The following SMC2 variants were observed in gnomAD, a reference collection of about 807,000 sequenced individuals.
SMC2 encodes structural maintenance of chromosomes protein 2.
Under a neutral mutation model 142.6 loss-of-function variants are expected in SMC2, and 41 were observed. That is an observed-to-expected ratio of 0.29 (90% CI 0.22 to 0.37). The LOEUF (loss-of-function observed/expected upper bound fraction) is 0.37, where lower values mean the gene tolerates loss of function less well. Ranked by LOEUF, SMC2 falls within the 10% of genes least tolerant of loss-of-function variation. The pLI, the probability that SMC2 is intolerant of heterozygous loss-of-function variation, is 1.00. For synonymous variants in SMC2, 463 were observed against 457.5 expected (o/e 1.01, Z -0.15); for missense variants, 1,265 against 1,373.7 (o/e 0.92, Z 1.25).
At chr9:104,123,754 G>T (rs1404858667) in intron 17 of SMC2, among the ~76,000 whole-genome samples, 1 of 151,722 alleles carries the variant, frequency 6.6e-6, no homozygotes, top group Non-Finnish European at 1.5e-5. Flanking sequence ...ATCTTTTTTG[G>T]CTATGTACTG....
At chr9:104,091,581 A>C (rs974076294), upstream of SMC2, among the ~76,000 whole-genome samples, 1 of 152,236 alleles carries the variant, frequency 6.6e-6, no homozygotes, top group Admixed American at 6.5e-5. Flanking sequence ...GTAAAAATAT[A>C]AACTTCCTGT....
At chr9:104,107,707 T>G (rs1028936163) in intron 9 of SMC2, among the ~76,000 whole-genome samples, 3 of 152,246 alleles carry the variant, frequency 2.0e-5, no homozygotes, top group Non-Finnish European at 2.9e-5. Flanking sequence ...TTCCTTGGCT[T>G]TCTGTCCAAG....
intron 9 of SMC2, 146 bp from the exon 10 acceptor site, chr9:104,111,435 A>G: frequency 5.3e-6 from 3 of 567,370 alleles, no homozygotes; most frequent in Non-Finnish European, 9.3e-6. Flanking sequence ...ATGATAATTC[A>G]GTATTTATAA....
intron 16 of SMC2, 73 bp downstream of exon 16, chr9:104,120,235 C>A (rs748009809): frequency 2.8e-5 from 37 of 1,315,202 alleles, no homozygotes; most frequent in Non-Finnish European, 3.8e-5. Flanking sequence ...ACTTTTATTT[C>A]AAGAAATACA....
At chr9:104,115,570 G>A (rs578093498) in intron 13 of SMC2, among the ~76,000 whole-genome samples, 8 of 151,196 alleles carry the variant, frequency 5.3e-5, no homozygotes, top group African/African-American at 1.7e-4. Context: ...GGGCAACAGA[G>A]GAAGACTGTA....
chr9:104,115,436 G>C (rs58034425), intron 13 of SMC2, among the ~76,000 whole-genome samples: 2 of 151,764 alleles, frequency 1.3e-5, no homozygotes, highest in Admixed American at 6.6e-5. Context: ...TTACCCAGGC[G>C]TAGTGGCGTG....
At chr9:104,104,908 G>T (rs1831576958) in intron 9 of SMC2, among the ~76,000 whole-genome samples, 2 of 152,246 alleles carry the variant, frequency 1.3e-5, no homozygotes, top group South Asian at 4.1e-4. Context: ...CCTGCCTGGA[G>T]CACTGACTCA....
At position 104,124,885 on chromosome 9, in the gene SMC2, GC is replaced by G. The variant is rs758215295; in HGVS notation, c.2258-25del. On this transcript the variant is annotated intron_variant, in intron 17 of 24. Coordinates refer to ENST00000374793, the MANE Select transcript of SMC2 (RefSeq NM_006444.3). ...GTCAACCTTTACCATTGTTAACTTA[GC>G]CACATTTGCTTACTTTGTGATGCAG... The G allele has an allele frequency of 2.8e-5, 43 of 1,544,434 alleles. 1 individual carries two copies. The East Asian group carries it at 9.4e-4, about 34-fold the overall frequency.
intron 23 of SMC2, 103 bp from the exon 24 acceptor site, chr9:104,137,889 CTTTTTTTTATATGACTACCTTTCAGA>C (rs1191141009): frequency 1.9e-5 from 10 of 521,472 alleles, no homozygotes; most frequent in Middle Eastern, 4.6e-4. Context: ...ACTCAAGATT[CTTTTTTTTATATGACTACCTTTCAGA>C]TAAATCTGCT....
chr9:104,106,348 A>C (rs968595974), intron 9 of SMC2, among the ~76,000 whole-genome samples: 1 of 152,156 alleles, frequency 6.6e-6, no homozygotes, highest in Non-Finnish European at 1.5e-5. Flanking sequence ...TCAGGCAGCA[A>C]GTCCTTGTTT....
At position 104,134,593 on chromosome 9, in the gene SMC2, T is replaced by TATATTATAAATAA; in HGVS notation, c.3269+27_3269+28insATAAATATTATAA. The TATATTATAAATAA allele has an allele frequency of 6.9e-7, 1 of 1,458,176 alleles. No individual in the cohort carries two copies. The highest frequency in any genetic ancestry group is 9.3e-7 in the Non-Finnish European group (1 of 1,072,286). The allele number at this position is 1,458,176 out of a possible 1,614,324, so 90.3% of individuals were successfully genotyped here. A position where few individuals can be genotyped will look rare whatever the true frequency, so the allele number is the denominator to read the frequency against. On this transcript the variant is annotated intron_variant, in intron 23 of 24. Coordinates refer to ENST00000374793, the MANE Select transcript of SMC2 (RefSeq NM_006444.3). ...GGTCAGAGGTGAGGAATCACTTTGC[T>TATATTATAAATAA]ATATTATAATTTTCATTCCTCTTTA... is the stretch of plus-strand genomic sequence containing the variant.
At chr9:104,099,276 A>G (rs1394809765) in intron 4 of SMC2, among the ~76,000 whole-genome samples, 2 of 152,134 alleles carry the variant, frequency 1.3e-5, no homozygotes, top group African/African-American at 2.4e-5. Context: ...CTGGAGGGTT[A>G]TCATTCAAAG....
At chr9:104,096,073 A>T in intron 2 of SMC2, 75 bp from the exon 3 acceptor site, 2 of 1,399,966 alleles carry the variant, frequency 1.4e-6, no homozygotes, top group African/African-American at 1.4e-5. Context: ...TTCCAACAGC[A>T]AGGGACCCAT....
At chr9:104,103,691 G>A (rs928804685) in intron 9 of SMC2, among the ~76,000 whole-genome samples, 3 of 152,144 alleles carry the variant, frequency 2.0e-5, no homozygotes, top group Non-Finnish European at 4.4e-5. Context: ...TCTTTTGAGG[G>A]TGATTCTGTT....
intron 22 of SMC2, among the ~76,000 whole-genome samples, chr9:104,133,779 A>C (rs1835234433): frequency 6.6e-6 from 1 of 152,074 alleles, no homozygotes; most frequent in Non-Finnish European, 1.5e-5. Flanking sequence ...CTTGGGATGT[A>C]ATCCTGTTTC....
At chr9:104,113,083 A>C (rs1184114888) in intron 10 of SMC2, among the ~76,000 whole-genome samples, 1 of 152,192 alleles carries the variant, frequency 6.6e-6, no homozygotes, top group African/African-American at 2.4e-5. Flanking sequence ...ATACGGACTT[A>C]AATTTCAAAT....
rs574361701 is a variant in SMC2, at chr9:104,102,450, A to G, written c.897A>G (p.Leu299=). Residue 299 remains leucine (L), a synonymous_variant, in exon 9 of 25, where the codon TTA becomes TTG. Coordinates refer to ENST00000374793, the MANE Select transcript of SMC2 (RefSeq NM_006444.3). ...AAACTGGAGGTATACTTCGATCTTTAGAAGATGCTCTTGCAGAGGCTCAGC... is the reference window on the plus strand; with the variant it reads ...AAACTGGAGGTATACTTCGATCTTTGGAAGATGCTCTTGCAGAGGCTCAGC... ...DKETGGILRS[L]EDALAEAQRV... 5.0e-6 allele frequency: 8 copies of G among 1,610,280 alleles called. No individual in the cohort carries two copies. The highest frequency in any genetic ancestry group is 2.2e-5 in the South Asian group (2 of 90,188).
Position 104,134,465 on chromosome 9 carries a change from T to C in SMC2, c.3159T>C (p.Asn1053=). The C allele has an allele frequency of 6.2e-7, 1 of 1,612,378 alleles. No homozygotes were observed. Among genetic ancestry groups the C allele is most frequent in the South Asian group, 1.1e-5 (1 of 90,914 alleles). The part of the protein sequence containing the change: ...SIFSTLLPGA[N]AMLAPPEGQT... ...TTTCTACTCTTTTGCCTGGTGCTAATGCTATGCTTGCACCACCAGAGGGTC... is the reference window on the plus strand; with the variant it reads ...TTTCTACTCTTTTGCCTGGTGCTAACGCTATGCTTGCACCACCAGAGGGTC... Residue 1053 remains asparagine (N), a synonymous_variant, in exon 23 of 25, where the codon AAT becomes AAC. Coordinates refer to ENST00000374793, the MANE Select transcript of SMC2 (RefSeq NM_006444.3).
chr9:104,089,710 T>C (rs551615268), upstream of SMC2, among the ~76,000 whole-genome samples: 5 of 152,112 alleles, frequency 3.3e-5, no homozygotes, highest in Admixed American at 2.6e-4. Context: ...AGTGGCGCGA[T>C]CTAGGCTCAC....
Sources: gnomAD v4.1 joint callset for allele counts (sites outside exome capture counted in the v4.1 genomes callset) on GRCh38, gnomAD v4.1.1 for gene constraint, MANE v1.5 for transcripts, NCBI Gene and HGNC (gene_info 2026-07-23, HGNC 2026-07-21) for gene names.